The following OSBPL10 variants were observed in gnomAD, a reference collection of about 807,000 sequenced individuals.
OSBPL10 encodes oxysterol binding protein like 10, also known as oxysterol-binding protein-related protein 10.
Under a neutral mutation model 81.7 loss-of-function variants are expected in OSBPL10, and 49 were observed. The observed-to-expected ratio is 0.60, with a 90% confidence interval of 0.48 to 0.76. The LOEUF is 0.76. Ranked by LOEUF, OSBPL10 falls within the 30% of genes least tolerant of loss-of-function variation. OSBPL10 has a pLI of 0.00. For synonymous variants in OSBPL10, 419 were observed against 383.6 expected (o/e 1.09, Z -1.08); for missense variants, 923 against 987.8 (o/e 0.93, Z 0.88).
intron 1 of OSBPL10, among the ~76,000 whole-genome samples, chr3:31,963,898 C>T (rs575593510): frequency 2.0e-5 from 3 of 152,102 alleles, no homozygotes; most frequent in South Asian, 2.1e-4. Flanking sequence ...CTCAGCCTCC[C>T]GAGTAGCTGG....
intron 1 of OSBPL10, among the ~76,000 whole-genome samples, chr3:31,905,063 T>C (rs1388818568): frequency 6.6e-5 from 10 of 152,236 alleles, no homozygotes; most frequent in Admixed American, 6.5e-4. Flanking sequence ...GTAAGTTATT[T>C]GTAAAATGCT....
chr3:31,923,618 CA>C (rs1017778527), intron 1 of OSBPL10, among the ~76,000 whole-genome samples: 2 of 152,000 alleles, frequency 1.3e-5, no homozygotes, highest in Non-Finnish European at 2.9e-5. Context: ...AACAAGACCC[CA>C]TCTCTACAAA....
At chr3:31,915,569 G>C (rs1012273587) in intron 1 of OSBPL10, among the ~76,000 whole-genome samples, 1 of 152,114 alleles carries the variant, frequency 6.6e-6, no homozygotes, top group African/African-American at 2.4e-5. Context: ...GGTACTAATG[G>C]ACATAATGGT....
At chr3:31,740,857 T>TTTTTTATATATATATATATA (rs1553620066) in intron 5 of OSBPL10, among the ~76,000 whole-genome samples, 2 of 136,390 alleles carry the variant, frequency 1.5e-5, no homozygotes, top group African/African-American at 6.7e-5. Context: ...CTACTAGAAT[T>TTTTTTATATATATATATATA]TATATATATA....
chr3:31,670,723 A>G, intron 9 of OSBPL10, 74 bp downstream of exon 9: 1 of 1,423,516 alleles, frequency 7.0e-7, no homozygotes, highest in Non-Finnish European at 9.6e-7. Flanking sequence ...ACTGAAACTC[A>G]GTCTTCTAAT....
intron 3 of OSBPL10, among the ~76,000 whole-genome samples, chr3:31,870,205 C>A (rs552616095): frequency 3.3e-5 from 5 of 152,336 alleles, no homozygotes; most frequent in Non-Finnish European, 7.4e-5. Flanking sequence ...TGGAGGGCCC[C>A]GCACTCCGAG....
At position 31,660,931 on chromosome 3, in the gene OSBPL10, A is replaced by G. The variant is rs1238582423; in HGVS notation, c.*1141T>C. 6.5e-6 allele frequency: 1 copy of G among 152,700 alleles called. No individual in the cohort carries two copies. The highest frequency in any genetic ancestry group is 6.5e-5 in the Admixed American group (1 of 15,286). 9.5% of individuals were successfully genotyped at this position (152,700 alleles called of 1,614,324 possible). On this transcript the variant is annotated 3_prime_UTR_variant, in exon 12 of 12. Coordinates refer to ENST00000396556, the MANE Select transcript of OSBPL10 (RefSeq NM_017784.5). ...TTAGTATTACTACAGAGAAGCATTC[A>G]TGCTATTTGGATTTGATAAATATTG...
chr3:31,896,266 A>G (rs980260954), intron 1 of OSBPL10, among the ~76,000 whole-genome samples: 2 of 152,232 alleles, frequency 1.3e-5, no homozygotes, highest in African/African-American at 2.4e-5. Flanking sequence ...CAGAAAAACA[A>G]TAATTACTCC....
chr3:32,035,753 A>G (rs1035835031), intron 2 of OSBPL10, among the ~76,000 whole-genome samples: 1 of 152,130 alleles, frequency 6.6e-6, no homozygotes, highest in African/African-American at 2.4e-5. Context: ...AAAGCAAAAA[A>G]TTAGACGCAA....
chr3:31,790,971 G>A (rs1698994386), intron 4 of OSBPL10, among the ~76,000 whole-genome samples: 1 of 152,238 alleles, frequency 6.6e-6, no homozygotes, highest in Non-Finnish European at 1.5e-5. Flanking sequence ...TCCCTGGCTG[G>A]CTGGCATGAA....
chr3:31,937,700 C>CT (rs956220892), intron 1 of OSBPL10, among the ~76,000 whole-genome samples: 1 of 102,652 alleles, frequency 9.7e-6, no homozygotes, highest in East Asian at 4.0e-4. Context: ...TGGGACCACC[C>CT]TTCCCCCAAC....
chr3:32,000,096 T>A (rs1699130816), intron 2 of OSBPL10, among the ~76,000 whole-genome samples: 1 of 152,204 alleles, frequency 6.6e-6, no homozygotes, highest in African/African-American at 2.4e-5. Flanking sequence ...CAGCCTTCAT[T>A]TCCTCTGTCT....
At chr3:31,980,388 G>A (rs905025414) in intron 1 of OSBPL10, among the ~76,000 whole-genome samples, 1 of 152,226 alleles carries the variant, frequency 6.6e-6, no homozygotes, top group Non-Finnish European at 1.5e-5. Context: ...AGTCGCCCAG[G>A]ATGACAAGTG....
At chr3:31,730,369 G>A (rs1341134549) in intron 6 of OSBPL10, among the ~76,000 whole-genome samples, 1 of 150,094 alleles carries the variant, frequency 6.7e-6, no homozygotes, top group Non-Finnish European at 1.5e-5. Context: ...AAAAAAAAAA[G>A]AAAAAGTCAA....
intron 1 of OSBPL10, among the ~76,000 whole-genome samples, chr3:31,977,812 A>T (rs749196799): frequency 6.6e-6 from 1 of 152,162 alleles, no homozygotes. Context: ...TTCTTTAAAT[A>T]TCTATAATAA....
chr3:31,733,986 GGCGACA>G (rs1446016699), intron 5 of OSBPL10, among the ~76,000 whole-genome samples: 1 of 151,596 alleles, frequency 6.6e-6, no homozygotes, highest in African/African-American at 2.4e-5. Context: ...CTCCAGCCTG[GGCGACA>G]GAGCAAGACT....
chr3:31,920,264 G>A (rs1044991227), intron 1 of OSBPL10, among the ~76,000 whole-genome samples: 16 of 152,126 alleles, frequency 1.1e-4, no homozygotes, highest in African/African-American at 3.4e-4. Flanking sequence ...AAAATTCATA[G>A]AACTGTCCAA....
At chr3:31,741,437 G>C (rs1697348117) in intron 5 of OSBPL10, among the ~76,000 whole-genome samples, 5 of 152,088 alleles carry the variant, frequency 3.3e-5, no homozygotes, top group Admixed American at 1.3e-4. Flanking sequence ...GCTAATTTTT[G>C]TATTTTTAGT....
chr3:31,892,605 A>T (rs1441766628), intron 1 of OSBPL10, among the ~76,000 whole-genome samples: 1 of 152,232 alleles, frequency 6.6e-6, no homozygotes, highest in Non-Finnish European at 1.5e-5. Flanking sequence ...CCAAACTTTG[A>T]TAAGAACAAG....
Sources: allele counts gnomAD v4.1 joint callset (sites outside exome capture counted in the v4.1 genomes callset), GRCh38; gene constraint gnomAD v4.1.1; transcripts MANE v1.5; gene names NCBI Gene and HGNC (gene_info 2026-07-23, HGNC 2026-07-21).